Variants in IPCEF1 observed in about 807,000 individuals in gnomAD.
IPCEF1 encodes interactor protein for cytohesin exchange factors 1.
Under a neutral mutation model 50.9 loss-of-function variants are expected in IPCEF1, and 31 were observed. The ratio of observed to expected loss-of-function variants is 0.61; its 90% CI spans 0.46 to 0.82. The LOEUF (loss-of-function observed/expected upper bound fraction) is 0.82. Among genes scored for constraint, IPCEF1 ranks in the 40% least tolerant of loss-of-function variants. IPCEF1 has a pLI of 0.00. For synonymous variants in IPCEF1, 181 were observed against 192.0 expected (o/e 0.94, Z 0.47); for missense variants, 458 against 514.0 (o/e 0.89, Z 1.05).
intron 2 of IPCEF1, among the ~76,000 whole-genome samples, chr6:154,283,954 T>C (rs1258755297): frequency 2.0e-5 from 3 of 151,904 alleles, no homozygotes; most frequent in Non-Finnish European, 2.9e-5. Context: ...AAACATGAGA[T>C]AGAAGAAGGA....
rs1798838630 is a variant in IPCEF1, at chr6:154,159,313, A to T, written c.*515T>A. 1 of 163,314 alleles carries T rather than the reference A, an allele frequency of 6.1e-6. No individual in the cohort carries two copies. 10.1% of individuals were successfully genotyped at this position (163,314 alleles called of 1,614,324 possible). ...GGAAAAGGCACCACCATTCCATACCAAAGGCAAGGAATTTTTGTTCTGCAA... is the reference window on the plus strand; with the variant it reads ...GGAAAAGGCACCACCATTCCATACCTAAGGCAAGGAATTTTTGTTCTGCAA... On this transcript the variant is annotated 3_prime_UTR_variant, in exon 12 of 12. Transcript: ENST00000367220.
intron 10 of IPCEF1, among the ~76,000 whole-genome samples, chr6:154,169,551 C>T (rs1799706951): frequency 6.6e-6 from 1 of 152,190 alleles, no homozygotes; most frequent in African/African-American, 2.4e-5. Flanking sequence ...AACTACTGCC[C>T]TAGATGATTG....
At chr6:154,325,454 C>A (rs1358520610) in intron 1 of IPCEF1, among the ~76,000 whole-genome samples, 1 of 152,210 alleles carries the variant, frequency 6.6e-6, no homozygotes, top group East Asian at 1.9e-4. Context: ...GTAGACATCA[C>A]TTCCCACCAT....
chr6:154,246,960 G>A, intron 4 of IPCEF1, 200 bp from the exon 5 acceptor site: 2 of 523,186 alleles, frequency 3.8e-6, no homozygotes, highest in Non-Finnish European at 6.2e-6. Flanking sequence ...AAAGCCATGT[G>A]TCTGTTTTAT....
At chr6:154,327,222 G>C (rs541565911) in intron 1 of IPCEF1, among the ~76,000 whole-genome samples, 2 of 152,150 alleles carry the variant, frequency 1.3e-5, no homozygotes, top group South Asian at 4.2e-4. Context: ...AGTGGGATCT[G>C]ACTAAACTAA....
At chr6:154,274,686 A>G (rs1782010341) in intron 2 of IPCEF1, among the ~76,000 whole-genome samples, 1 of 152,094 alleles carries the variant, frequency 6.6e-6, no homozygotes, top group African/African-American at 2.4e-5. Flanking sequence ...AACTTCTAAA[A>G]TGTGGTCTAT....
At chr6:154,314,310 A>G (rs1156327346) in intron 1 of IPCEF1, among the ~76,000 whole-genome samples, 5 of 152,236 alleles carry the variant, frequency 3.3e-5, no homozygotes, top group Non-Finnish European at 7.3e-5. Context: ...CAAATTGGCC[A>G]CTATGGCTCT....
intron 10 of IPCEF1, among the ~76,000 whole-genome samples, chr6:154,179,145 G>A (rs1800615745): frequency 6.6e-6 from 1 of 152,124 alleles, no homozygotes; most frequent in East Asian, 1.9e-4. Flanking sequence ...CAGGTGATAA[G>A]TAGGATCACA....
chr6:154,188,815 A>G (rs1382812777), intron 10 of IPCEF1, among the ~76,000 whole-genome samples: 1 of 152,224 alleles, frequency 6.6e-6, no homozygotes, highest in African/African-American at 2.4e-5. Context: ...TTGCATATGG[A>G]GTAAGATGAT....
chr6:154,228,355 T>G (rs2128623335), intron 5 of IPCEF1, among the ~76,000 whole-genome samples: 1 of 152,128 alleles, frequency 6.6e-6, no homozygotes, highest in East Asian at 1.9e-4. Context: ...CCTGCAAGCT[T>G]CCCTCGAAAT....
chr6:154,237,969 C>A (rs559486780), intron 5 of IPCEF1, among the ~76,000 whole-genome samples: 1 of 151,940 alleles, frequency 6.6e-6, no homozygotes, highest in Admixed American at 6.6e-5. Context: ...TTCCTGTTAA[C>A]GATTTTAAAC....
At chr6:154,334,959 C>A (rs1208608774) in intron 1 of IPCEF1, among the ~76,000 whole-genome samples, 1 of 152,120 alleles carries the variant, frequency 6.6e-6, no homozygotes, top group Non-Finnish European at 1.5e-5. Context: ...CCTTTATCTG[C>A]CTAAGATCCA....
At chr6:154,221,386 T>A (rs968763707) in intron 6 of IPCEF1, 58 bp from the exon 7 acceptor site, 4 of 1,317,872 alleles carry the variant, frequency 3.0e-6, no homozygotes, top group African/African-American at 2.9e-5. Flanking sequence ...CAACAATGGG[T>A]CTGAAAGTAA....
chr6:154,334,457 A>G (rs886983202), intron 1 of IPCEF1, among the ~76,000 whole-genome samples: 2 of 146,022 alleles, frequency 1.4e-5, no homozygotes, highest in Non-Finnish European at 3.0e-5. Context: ...AAGCCTAACT[A>G]TAAGGCATCA....
chr6:154,242,296 A>G (rs1439367243), intron 5 of IPCEF1, among the ~76,000 whole-genome samples: 1 of 152,290 alleles, frequency 6.6e-6, no homozygotes, highest in Non-Finnish European at 1.5e-5. Context: ...TCCTTTTCCC[A>G]TATCTGTTTT....
chr6:154,356,440 A>T (rs964283213), intron 1 of IPCEF1, among the ~76,000 whole-genome samples: 8 of 152,358 alleles, frequency 5.3e-5, no homozygotes, highest in African/African-American at 1.9e-4. Context: ...TTTAAGAAAC[A>T]TAAAAGCAGA....
At chr6:154,291,272 A>AT (rs1158927155) in intron 1 of IPCEF1, among the ~76,000 whole-genome samples, 1 of 152,192 alleles carries the variant, frequency 6.6e-6, no homozygotes, top group South Asian at 2.1e-4. Flanking sequence ...ACAGATTTTT[A>AT]TTTTTTAAAA....
chr6:154,159,330 G>C lies in IPCEF1; in HGVS notation c.*498C>G, dbSNP rs1485518662. 6.2e-6 allele frequency: 1 copy of C among 161,392 alleles called. No individual in the cohort carries two copies. Among genetic ancestry groups the C allele is most frequent in the African/African-American group, 2.4e-5 (1 of 41,446 alleles). 10.0% of individuals were successfully genotyped at this position (161,392 alleles called of 1,614,324 possible). ...TCCATACCAAAGGCAAGGAATTTTT[G>C]TTCTGCAACACCACGTTTGTCCTTC... On this transcript the variant is annotated 3_prime_UTR_variant, in exon 12 of 12. Coordinates refer to ENST00000367220, the MANE Select transcript of IPCEF1 (RefSeq NM_001130700.2).
intron 2 of IPCEF1, among the ~76,000 whole-genome samples, chr6:154,286,088 C>T (rs149579679): frequency 2.8e-4 from 43 of 152,110 alleles, no homozygotes; most frequent in African/African-American, 1.0e-3. Context: ...ATTATGGGGC[C>T]AAGAATGTAG....
Sources: allele counts gnomAD v4.1 joint callset (sites outside exome capture counted in the v4.1 genomes callset), GRCh38; gene constraint gnomAD v4.1.1; transcripts MANE v1.5; gene names NCBI Gene and HGNC (gene_info 2026-07-23, HGNC 2026-07-21).